IL27: variants seen among roughly 807,000 people sequenced by gnomAD.
IL27 encodes the protein interleukin 27, also known as interleukin-27 subunit alpha.
IL27 carries 11 observed loss-of-function variants against 27.0 expected under a neutral mutation model. The observed-to-expected ratio is 0.41, with a 90% confidence interval of 0.26 to 0.67. IL27 has a LOEUF of 0.67. IL27 is among the 30% of genes least tolerant of loss of function. IL27 has a pLI of 0.34. For missense variants in IL27, 299 were observed against 310.4 expected, an observed-to-expected ratio of 0.96 and a Z score of 0.28; for synonymous variants, 134 against 140.6, an observed-to-expected ratio of 0.95 and a Z score of 0.33.
chr16:28,499,967 G>A, intron 4 of IL27, 47 bp from the exon 5 acceptor site: 1 of 1,494,554 alleles, frequency 6.7e-7, no homozygotes, highest in Non-Finnish European at 8.9e-7. Context: ...CCGAGAACCT[G>A]AGAGGAATCC....
intron 4 of IL27, among the ~76,000 whole-genome samples, chr16:28,500,963 G>C (rs1020311311): frequency 3.0e-4 from 45 of 152,136 alleles, no homozygotes; most frequent in Non-Finnish European, 5.9e-4. Context: ...ACTTTGGGAA[G>C]CCGAGGCGGG....
intron 4 of IL27, among the ~76,000 whole-genome samples, chr16:28,501,508 ACT>A (rs755798151): frequency 8.8e-5 from 13 of 146,942 alleles, no homozygotes; most frequent in African/African-American, 2.3e-4. Flanking sequence ...TCACAGTCAC[ACT>A]CACACACGGA....
intron 1 of IL27, among the ~76,000 whole-genome samples, chr16:28,505,729 G>C (rs557441902): frequency 3.1e-4 from 47 of 152,268 alleles, no homozygotes; most frequent in African/African-American, 1.1e-3. Flanking sequence ...CCCTCAGGGA[G>C]AGGAAATCTA....
Position 28,503,735 on chromosome 16 carries a change from G to A in IL27, c.263C>T (p.Pro88Leu), listed in dbSNP as rs2141738449. Residue 88 changes from proline to leucine, a missense_variant, in exon 3 of 5, where the codon CCT becomes CTT. Transcript: ENST00000356897. The stretch of plus-strand genomic sequence containing the variant: ...GGCCTGGAAGGTCAGGGAAACATCA[G>A]GGAGCTGCTCTCCCAGGGGCAGGAG... ...LYLLPLGEQL[P>L]DVSLTFQAWR... 1 of 1,613,696 alleles carries A rather than the reference G, an allele frequency of 6.2e-7. No homozygotes were observed.
In IL27 at chr16:28,501,993, G is replaced by C; in HGVS notation, c.445C>G (p.Arg149Gly). Residue 149 changes from arginine (R) to glycine (G), a missense_variant, in exon 4 of 5, where the codon CGG (arginine) becomes GGG (glycine). By Grantham distance (125) the Arg-to-Gly change is moderately radical. Coordinates refer to ENST00000356897, the MANE Select transcript of IL27 (RefSeq NM_145659.3). ...GGCTCTACCTGGAAGCGGAGGTGCC[G>C]CTGCAGATCGCGGAGGTCCAGCCTC... ...AMRLDLRDLQ[R>G]HLRFQVLAAG... 6.2e-7 allele frequency: 1 copy of C among 1,607,114 alleles called. No homozygotes were observed. Among genetic ancestry groups the C allele is most frequent in the Non-Finnish European group, 8.5e-7 (1 of 1,178,254 alleles).
At chr16:28,506,678 C>T (rs1008587830) in intron 1 of IL27, 103 bp downstream of exon 1, 4 of 1,194,120 alleles carry the variant, frequency 3.3e-6, no homozygotes, top group Non-Finnish European at 4.7e-6. Flanking sequence ...CAGTCTTGGC[C>T]AAGTTGCTGC....
intron 4 of IL27, 147 bp from the exon 5 acceptor site, chr16:28,500,067 G>T: frequency 9.0e-7 from 1 of 1,115,584 alleles, no homozygotes; most frequent in Non-Finnish European, 1.2e-6. Context: ...GATCTTCCAT[G>T]ATGTCACCTG....
At chr16:28,501,609 ACT>A (rs1274197209) in intron 4 of IL27, among the ~76,000 whole-genome samples, 1 of 145,728 alleles carries the variant, frequency 6.9e-6, no homozygotes, top group Non-Finnish European at 1.5e-5. Flanking sequence ...AGTCAGGTAC[ACT>A]CACACAGACC....
At position 28,506,703 on chromosome 16, in the gene IL27, C is replaced by A; in HGVS notation, c.31+78G>T. The A allele has an allele frequency of 2.1e-6, 3 of 1,405,320 alleles. No homozygotes were observed. In the South Asian group the frequency reaches 3.9e-5, roughly 18 times the overall value. The allele number at this position is 1,405,320 out of a possible 1,614,324, so 87.1% of individuals were successfully genotyped here. Reference sequence around the variant, plus strand: ...CAAGTTGCTGCTCTCAGCTCTCGACCCCCCATCTGCACCAGCCAAGCTCGT... The same window carrying A: ...CAAGTTGCTGCTCTCAGCTCTCGACACCCCATCTGCACCAGCCAAGCTCGT... On this transcript the variant is annotated intron_variant, in intron 1 of 4. Coordinates refer to ENST00000356897, the MANE Select transcript of IL27 (RefSeq NM_145659.3).
chr16:28,499,680 C>A lies in IL27; in HGVS notation c.703G>T (p.Gly235Trp). Residue 235 changes from glycine (G) to tryptophan (W), a missense_variant, in exon 5 of 5, where the codon GGG (glycine) becomes TGG (tryptophan). Coordinates refer to ENST00000356897, the MANE Select transcript of IL27 (RefSeq NM_145659.3). ...GGCTGGGGGCTCAATGTTGGGAACC[C>A]CAAGGGCCAGACTGAGTGCCCAGCC... ...SKAGHSVWPL[G>W]FPTLSPQP The A allele has an allele frequency of 6.2e-7, 1 of 1,612,944 alleles. No individual in the cohort carries two copies.
At chr16:28,501,712 C>T (rs567252223) in intron 4 of IL27, among the ~76,000 whole-genome samples, 11 of 148,674 alleles carry the variant, frequency 7.4e-5, no homozygotes, top group African/African-American at 2.0e-4. Context: ...CAGTCACTCC[C>T]ACACACTCTC....
chr16:28,504,091 T>C, intron 1 of IL27, 41 bp from the exon 2 acceptor site: 1 of 1,545,214 alleles, frequency 6.5e-7, no homozygotes, highest in Non-Finnish European at 8.7e-7. Context: ...GGGAGAGAGC[T>C]TGAGAAGGAA....
intron 1 of IL27, among the ~76,000 whole-genome samples, chr16:28,505,342 C>CT (rs5816473): frequency 4.5e-4 from 67 of 148,312 alleles, no homozygotes; most frequent in African/African-American, 1.1e-3. Context: ...AGTATGGGAG[C>CT]TTTTTTTTTT....
rs753219380 is a variant in IL27, at chr16:28,499,746, C to A, written c.637G>T (p.Val213Phe). ...TYRLLHSLEL[V>F]LSRAVRELLL... ...AACTCCCGCACGGCCCGAGATAAGA[C>A]GAGCTCCAAGGAGTGCAGCAGGCGG... Residue 213 changes from valine (V) to phenylalanine (F), a missense_variant, in exon 5 of 5, where the codon GTC (valine) becomes TTC (phenylalanine). Physicochemically the swap from Val to Phe is conservative, Grantham distance 50 (BLOSUM62 -1). Coordinates refer to ENST00000356897, the MANE Select transcript of IL27 (RefSeq NM_145659.3). The A allele has an allele frequency of 6.2e-7, 1 of 1,613,472 alleles. No individual in the cohort carries two copies. Among genetic ancestry groups the A allele is most frequent in the Admixed American group, 1.7e-5 (1 of 59,942 alleles).
chr16:28,501,852 C>G (rs1415484200), intron 4 of IL27, 124 bp downstream of exon 4: 2 of 1,182,984 alleles, frequency 1.7e-6, no homozygotes, highest in African/African-American at 3.0e-5. Context: ...CCCACACACT[C>G]ATGGACACTC....
chr16:28,501,448 ACACACT>A (rs1186818890), intron 4 of IL27, among the ~76,000 whole-genome samples: 1 of 148,416 alleles, frequency 6.7e-6, no homozygotes, highest in Non-Finnish European at 1.5e-5. Context: ...AGTCACACCC[ACACACT>A]CACACACTCA....
intron 1 of IL27, 145 bp downstream of exon 1, chr16:28,506,636 C>T (rs754327230): frequency 6.0e-6 from 5 of 831,850 alleles, no homozygotes; most frequent in Non-Finnish European, 9.6e-6. Flanking sequence ...TCATGCCAGC[C>T]TCCCTTCCCA....
At position 28,499,687 on chromosome 16, in the gene IL27, C is replaced by T; in HGVS notation, c.696G>A (p.Trp232Ter). 6.2e-7 allele frequency: 1 copy of T among 1,613,248 alleles called. No individual in the cohort carries two copies. Among genetic ancestry groups the T allele is most frequent in the South Asian group, 1.1e-5 (1 of 90,880 alleles). ...GGCTCAATGTTGGGAACCCCAAGGG[C>T]CAGACTGAGTGCCCAGCCTTGGACA... ...LLLSKAGHSV[W>*]PLGFPTLSPQ... The change falls in exon 5 of 5, where the codon TGG becomes TGA. Residue 232 changes from tryptophan (W) to a stop codon, truncating the protein, a stop_gained. Transcript: ENST00000356897. LOFTEE classifies it high-confidence loss of function.
intron 4 of IL27, 34 bp from the exon 5 acceptor site, chr16:28,499,954 AG>A (rs2141736113): frequency 6.6e-7 from 1 of 1,512,776 alleles, no homozygotes; most frequent in Admixed American, 2.1e-5. Context: ...GGGAGGGGCC[AG>A]GCCGAGAACC....
Sources: gnomAD v4.1 joint callset for allele counts (sites outside exome capture counted in the v4.1 genomes callset) on GRCh38, gnomAD v4.1.1 for gene constraint, MANE v1.5 for transcripts, NCBI Gene and HGNC (gene_info 2026-07-23, HGNC 2026-07-21) for gene names.